The following KHDRBS2 variants were observed in gnomAD, a reference collection of about 807,000 sequenced individuals.
KHDRBS2 encodes KH RNA binding domain containing, signal transduction associated 2.
A neutral mutation model predicts 44.3 loss-of-function variants in KHDRBS2; 26 were observed. The ratio of observed to expected loss-of-function variants is 0.59; its 90% confidence interval spans 0.43 to 0.81. The LOEUF is 0.81. Ranked by LOEUF, KHDRBS2 falls within the 40% of genes least tolerant of loss-of-function variation. The pLI, the probability that KHDRBS2 is intolerant of heterozygous loss-of-function variation, is 0.00. For synonymous variants in KHDRBS2, 194 were observed against 151.1 expected (o/e 1.28, Z -2.08); for missense variants, 476 against 433.1 (o/e 1.10, Z -0.88).
intron 3 of KHDRBS2, among the ~76,000 whole-genome samples, chr6:61,994,499 T>C (rs1776798348): frequency 6.6e-6 from 1 of 152,192 alleles, no homozygotes; most frequent in Middle Eastern, 3.2e-3. Flanking sequence ...AAACAGTCAC[T>C]AACATAATGT....
chr6:61,627,424 C>A, the KHDRBS2 span, among the ~76,000 whole-genome samples: 3 of 151,992 alleles, frequency 2.0e-5, no homozygotes, highest in Non-Finnish European at 4.4e-5. Flanking sequence ...CATGGAGAAC[C>A]TCTAGATAGT....
chr6:62,230,057 C>T (rs944015492), intron 1 of KHDRBS2, among the ~76,000 whole-genome samples: 11 of 152,294 alleles, frequency 7.2e-5, no homozygotes, highest in African/African-American at 2.6e-4. Context: ...TCTAAAATTG[C>T]TGTAGCGGTG....
the KHDRBS2 span, among the ~76,000 whole-genome samples, chr6:61,543,794 T>A: frequency 6.6e-6 from 1 of 152,056 alleles, no homozygotes. Context: ...ATCTTGTCGT[T>A]TGCAATACCA....
In KHDRBS2 at chr6:61,818,334, C is replaced by T. The variant is rs200447632; in HGVS notation, c.810+76301G>A. 1.0e-4 allele frequency among the ~76,000 whole-genome samples: 15 copies of T among 146,062 alleles called. No individual in the cohort carries two copies. In the East Asian group the frequency reaches 1.8e-3, roughly 17 times the overall value. Reference sequence around the variant, plus strand: ...GGAAGAGAAAAGGATAGAAAAAAGACGTTAGGGACTCAAGAAGTTATTGAA... The same window carrying T: ...GGAAGAGAAAAGGATAGAAAAAAGATGTTAGGGACTCAAGAAGTTATTGAA... On this transcript the variant is annotated intron_variant, in intron 6 of 8. Coordinates refer to ENST00000281156, the MANE Select transcript of KHDRBS2 (RefSeq NM_152688.4).
intron 6 of KHDRBS2, among the ~76,000 whole-genome samples, chr6:61,776,839 G>C (rs557500847): frequency 1.3e-5 from 2 of 152,120 alleles, no homozygotes; most frequent in African/African-American, 2.4e-5. Context: ...ACATGCACAC[G>C]TATGTTTATA....
chr6:61,887,649 A>T (rs1245832014), intron 6 of KHDRBS2, among the ~76,000 whole-genome samples: 1 of 152,200 alleles, frequency 6.6e-6, no homozygotes. Flanking sequence ...GAGGCTCAGC[A>T]GGGGAGAAAG....
intron 1 of KHDRBS2, among the ~76,000 whole-genome samples, chr6:62,255,654 A>G (rs1837276815): frequency 1.5e-5 from 2 of 131,942 alleles, no homozygotes; most frequent in Non-Finnish European, 3.3e-5. Context: ...ACACACACAC[A>G]CAATGTAGAA....
At chr6:61,721,365 C>T (rs998479790) in intron 7 of KHDRBS2, among the ~76,000 whole-genome samples, 105 of 152,030 alleles carry the variant, frequency 6.9e-4, no homozygotes, top group African/African-American at 2.2e-3. Flanking sequence ...TAAATTACCT[C>T]GGGCAGTATG....
intron 7 of KHDRBS2, among the ~76,000 whole-genome samples, chr6:61,709,566 CTTCTT>C (rs1444606078): frequency 6.6e-6 from 1 of 151,640 alleles, no homozygotes; most frequent in Non-Finnish European, 1.5e-5. Context: ...TCTTCAATAT[CTTCTT>C]TTCAGTTTAG....
At chr6:61,694,352 T>C (rs1440094798) in intron 8 of KHDRBS2, among the ~76,000 whole-genome samples, 3 of 152,198 alleles carry the variant, frequency 2.0e-5, no homozygotes. Context: ...AACTTTTATA[T>C]GTAGTTGTAA....
the KHDRBS2 span, among the ~76,000 whole-genome samples, chr6:61,554,240 A>C: frequency 1.3e-5 from 2 of 152,166 alleles, no homozygotes; most frequent in Non-Finnish European, 2.9e-5. Flanking sequence ...TGAGCCCTTA[A>C]CCATTAAGTA....
At chr6:62,188,992 G>A (rs1237766809) in intron 1 of KHDRBS2, among the ~76,000 whole-genome samples, 1 of 152,124 alleles carries the variant, frequency 6.6e-6, no homozygotes, top group Non-Finnish European at 1.5e-5. Context: ...GCATGTGCCT[G>A]TAATCCCATC....
In KHDRBS2 at chr6:62,266,377, G is replaced by A. The variant is rs375277304; in HGVS notation, c.91+19481C>T. On this transcript the variant is annotated intron_variant, in intron 1 of 8. Coordinates refer to ENST00000281156, the MANE Select transcript of KHDRBS2 (RefSeq NM_152688.4). ...TACATGACAAGCATGACATATCAGCGAATTATTGCCTCCTAGGAGCTGCTC... is the reference window on the plus strand; with the variant it reads ...TACATGACAAGCATGACATATCAGCAAATTATTGCCTCCTAGGAGCTGCTC... Among the ~76,000 whole-genome samples, 358 of 152,020 alleles carry A rather than the reference G, an allele frequency of 2.4e-3. 10 individuals carry two copies. In the South Asian group the frequency reaches 0.06, roughly 26 times the overall value.
chr6:61,746,617 C>T (rs181747731), intron 6 of KHDRBS2, among the ~76,000 whole-genome samples: 18 of 152,238 alleles, frequency 1.2e-4, no homozygotes, highest in Admixed American at 1.2e-3. Flanking sequence ...AATAAACATA[C>T]ATGGGTATGT....
At chr6:62,206,637 A>T (rs1280239710) in intron 1 of KHDRBS2, among the ~76,000 whole-genome samples, 1 of 152,070 alleles carries the variant, frequency 6.6e-6, no homozygotes, top group African/African-American at 2.4e-5. Flanking sequence ...AGTCAGGAAT[A>T]ATTTTGATAA....
At chr6:62,129,917 A>T (rs1444507928) in intron 2 of KHDRBS2, among the ~76,000 whole-genome samples, 22 of 152,144 alleles carry the variant, frequency 1.4e-4, no homozygotes, top group Non-Finnish European at 2.4e-4. Flanking sequence ...GTTTAATATG[A>T]TATTTAAAAA....
chr6:62,263,816 T>C (rs867384990), intron 1 of KHDRBS2, among the ~76,000 whole-genome samples: 3 of 151,768 alleles, frequency 2.0e-5, no homozygotes, highest in Admixed American at 6.6e-5. Flanking sequence ...ATCCTTGCCA[T>C]AGAGTAACAT....
intron 6 of KHDRBS2, chr6:61,816,992 A>G (rs1023393509): frequency 4.4e-5 from 20 of 455,734 alleles, no homozygotes; most frequent in African/African-American, 3.0e-4. Context: ...AAACAAGGAA[A>G]GTGGTAATGA....
At chr6:61,559,556 G>A in the KHDRBS2 span, among the ~76,000 whole-genome samples, 44 of 151,970 alleles carry the variant, frequency 2.9e-4, no homozygotes, top group Non-Finnish European at 7.4e-5. Context: ...TTTCTTGCTT[G>A]TTACTTCTTG....
Sources: gnomAD v4.1 joint callset for allele counts (sites outside exome capture counted in the v4.1 genomes callset) on GRCh38, gnomAD v4.1.1 for gene constraint, MANE v1.5 for transcripts, NCBI Gene and HGNC (gene_info 2026-07-23, HGNC 2026-07-21) for gene names.